The following ACACB variants were observed in gnomAD, a reference collection of about 807,000 sequenced individuals.
The protein encoded by ACACB is acetyl-CoA carboxylase 2.
In ACACB, 209 loss-of-function variants were observed where a neutral mutation model predicts 278.8. The ratio of observed to expected loss-of-function variants is 0.75; its 90% confidence interval spans 0.67 to 0.84. ACACB has a LOEUF of 0.84. Ranked by LOEUF, ACACB falls within the 40% of genes least tolerant of loss-of-function variation. The pLI is 0.00. For missense variants in ACACB, 2,850 were observed against 3,269.0 expected (o/e 0.87, Z 3.13); for synonymous variants, 1,174 against 1,285.6 (o/e 0.91, Z 1.86).
intron 48 of ACACB, among the ~76,000 whole-genome samples, chr12:109,261,250 A>C (rs1198383958): frequency 6.6e-6 from 1 of 152,202 alleles, no homozygotes; most frequent in Non-Finnish European, 1.5e-5. Context: ...TAGGCACGGC[A>C]TTCCTGTGTT....
At chr12:109,134,951 G>C (rs1195745604) in intron 1 of ACACB, among the ~76,000 whole-genome samples, 1 of 152,156 alleles carries the variant, frequency 6.6e-6, no homozygotes, top group African/African-American at 2.4e-5. Flanking sequence ...TAAGAACAAG[G>C]CTTGGGCATC....
intron 1 of ACACB, among the ~76,000 whole-genome samples, chr12:109,130,312 A>T (rs1438230287): frequency 2.0e-5 from 3 of 152,180 alleles, no homozygotes; most frequent in Non-Finnish European, 2.9e-5. Flanking sequence ...GAGACTGATG[A>T]TCAGGGAGGG....
chr12:109,217,231 G>A (rs1022139628), intron 24 of ACACB, among the ~76,000 whole-genome samples: 23 of 152,192 alleles, frequency 1.5e-4, no homozygotes, highest in South Asian at 4.1e-4. Context: ...GCAGTGAGCC[G>A]AGATTGTGCC....
At chr12:109,164,073 A>T (rs528689281) in intron 2 of ACACB, among the ~76,000 whole-genome samples, 1 of 152,222 alleles carries the variant, frequency 6.6e-6, no homozygotes, top group Admixed American at 6.5e-5. Context: ...GTGAAATCAT[A>T]GAGTTCTGGG....
intron 4 of ACACB, among the ~76,000 whole-genome samples, chr12:109,169,963 A>G (rs908622319): frequency 4.6e-5 from 7 of 152,140 alleles, no homozygotes; most frequent in African/African-American, 1.4e-4. Context: ...AAAGTGCCAC[A>G]TTGTTCAATT....
intron 22 of ACACB, among the ~76,000 whole-genome samples, chr12:109,213,849 C>G (rs1260454809): frequency 6.6e-6 from 1 of 152,108 alleles, no homozygotes; most frequent in Non-Finnish European, 1.5e-5. Flanking sequence ...ATCCCCCTGC[C>G]TCGGCCTCCC....
chr12:109,173,750 C>G (rs551330966), intron 6 of ACACB, among the ~76,000 whole-genome samples: 1 of 152,370 alleles, frequency 6.6e-6, no homozygotes, highest in East Asian at 1.9e-4. Flanking sequence ...GCTCGCACAA[C>G]TGAAAGTATT....
intron 1 of ACACB, among the ~76,000 whole-genome samples, chr12:109,132,026 C>T (rs531565946): frequency 6.6e-6 from 1 of 152,294 alleles, no homozygotes; most frequent in East Asian, 1.9e-4. Context: ...CACCTGCTGC[C>T]TTATGGAATT....
At chr12:109,124,895 T>G (rs75919727) in intron 1 of ACACB, among the ~76,000 whole-genome samples, 26,062 of 152,102 alleles carry the variant, frequency 0.17, 2,320 homozygotes, top group African/African-American at 0.21. Context: ...TATGTATTTT[T>G]GATAGAGATG....
chr12:109,254,161 G>A (rs958138895), intron 43 of ACACB, 53 bp from the exon 44 acceptor site: 2 of 1,603,092 alleles, frequency 1.2e-6, no homozygotes, highest in African/African-American at 1.3e-5. Flanking sequence ...CTGATCAGAG[G>A]TATTATTGAC....
chr12:109,208,656 T>C (rs560448245), intron 20 of ACACB, among the ~76,000 whole-genome samples: 4 of 152,188 alleles, frequency 2.6e-5, no homozygotes, highest in Non-Finnish European at 4.4e-5. Flanking sequence ...GGAAACAGCA[T>C]AGGGCAGCAG....
intron 1 of ACACB, among the ~76,000 whole-genome samples, chr12:109,120,155 A>G (rs951719634): frequency 1.3e-5 from 2 of 152,172 alleles, no homozygotes; most frequent in African/African-American, 4.8e-5. Context: ...TTTTATTTCC[A>G]TACTCCCCAC....
chr12:109,143,699 T>C (rs2043174737), intron 2 of ACACB, among the ~76,000 whole-genome samples: 1 of 152,118 alleles, frequency 6.6e-6, no homozygotes, highest in Non-Finnish European at 1.5e-5. Context: ...ATCAGGGGCT[T>C]CTGACAGAGA....
At position 109,266,567 on chromosome 12, in the gene ACACB, A is replaced by G. The variant is rs2136881527; in HGVS notation, c.*205A>G. The G allele has an allele frequency of 2.1e-6, 1 of 465,240 alleles. No individual in the cohort carries two copies. Among genetic ancestry groups the G allele is most frequent in the African/African-American group, 2.0e-5 (1 of 49,376 alleles). 28.8% of individuals were successfully genotyped at this position (465,240 alleles called of 1,614,324 possible). A position where few individuals can be genotyped will look rare whatever the true frequency, so the allele number is the denominator to read the frequency against. On this transcript the variant is annotated 3_prime_UTR_variant, in exon 53 of 53. Transcript: ENST00000338432. ...TCCAAACAAAAACAGCCTCCTCTCC[A>G]TAGCTGGGAAGTTTATTTTGTTTTG...
rs2047521756 is a variant in ACACB at position 109,266,483 on chromosome 12, T to C, written c.*121T>C. On this transcript the variant is annotated 3_prime_UTR_variant, in exon 53 of 53. Transcript: ENST00000338432. ...AAACAAAGAAAATCCTGGGCACTTCTGCAGGGCTGCTGGTTCCGAGCTGAC... is the reference window on the plus strand; with the variant it reads ...AAACAAAGAAAATCCTGGGCACTTCCGCAGGGCTGCTGGTTCCGAGCTGAC... The C allele has an allele frequency of 7.8e-7, 1 of 1,284,454 alleles. No individual in the cohort carries two copies. Among genetic ancestry groups the C allele is most frequent in the Non-Finnish European group, 1.0e-6 (1 of 973,462 alleles). 79.6% of individuals were successfully genotyped at this position (1,284,454 alleles called of 1,614,324 possible).
At chr12:109,257,377 T>C (rs1444291469) in intron 45 of ACACB, among the ~76,000 whole-genome samples, 4 of 151,678 alleles carry the variant, frequency 2.6e-5, no homozygotes, top group Non-Finnish European at 5.9e-5. Context: ...TGAAGACTGC[T>C]CTCCCCCACC....
At chr12:109,225,273 G>A (rs1436900083) in intron 27 of ACACB, among the ~76,000 whole-genome samples, 1 of 152,106 alleles carries the variant, frequency 6.6e-6, no homozygotes, top group Non-Finnish European at 1.5e-5. Flanking sequence ...GACTACAGGT[G>A]CATGCCACCA....
At chr12:109,243,506 G>A (rs2046856927) in intron 37 of ACACB, among the ~76,000 whole-genome samples, 1 of 152,160 alleles carries the variant, frequency 6.6e-6, no homozygotes, top group South Asian at 2.1e-4. Flanking sequence ...GGCTGAGGCA[G>A]GAGAATTGCT....
intron 13 of ACACB, 62 bp downstream of exon 13, chr12:109,188,224 T>TCCTC: frequency 6.9e-7 from 1 of 1,439,470 alleles, no homozygotes; most frequent in East Asian, 2.4e-5. Context: ...CTTCCTTCCT[T>TCCTC]CCTTCCTTCC....
Sources: allele counts gnomAD v4.1 joint callset (sites outside exome capture counted in the v4.1 genomes callset), GRCh38; gene constraint gnomAD v4.1.1; transcripts MANE v1.5; gene names NCBI Gene and HGNC (gene_info 2026-07-23, HGNC 2026-07-21).